Variants in GALNT15 observed in about 807,000 individuals in gnomAD.
The protein encoded by GALNT15 is UDP-GalNAc transferase T15.
A neutral mutation model predicts 66.8 loss-of-function variants in GALNT15; 67 were observed. The ratio of observed to expected loss-of-function variants is 1.00; its 90% confidence interval spans 0.82 to 1.23. The LOEUF (loss-of-function observed/expected upper bound fraction) is 1.23, where lower values mean the gene tolerates loss of function less well. Ranked by LOEUF, GALNT15 falls within the 50% of genes most tolerant of loss-of-function variation. The pLI, the probability that GALNT15 is intolerant of heterozygous loss-of-function variation, is 0.00. For missense variants in GALNT15, 827 were observed against 804.3 expected, an observed-to-expected ratio of 1.03 and a Z score of -0.34; for synonymous variants, 313 against 311.5, an observed-to-expected ratio of 1.00 and a Z score of -0.05.
rs1465009965 is a variant in GALNT15 at position 16,218,807 on chromosome 3, TC to T, written c.1393-595del. Among the ~76,000 whole-genome samples, 232 of 129,050 alleles carry T rather than the reference TC, an allele frequency of 1.8e-3. 1 individual carries two copies. The highest frequency in any genetic ancestry group is 4.1e-3 in the Admixed American group (51 of 12,588). 84.7% of individuals were successfully genotyped at this position (129,050 alleles called of 152,430 possible). ...ACAGATATCATAGACTCTCTCTCTC[TC>T]TCTTTTTTTTTTTTTTTTTTTTTTG... On this transcript the variant is annotated intron_variant, in intron 6 of 9. Coordinates refer to ENST00000339732, the MANE Select transcript of GALNT15 (RefSeq NM_054110.5).
intron 3 of GALNT15, among the ~76,000 whole-genome samples, chr3:16,207,755 C>T (rs954947111): frequency 2.0e-5 from 3 of 152,116 alleles, no homozygotes; most frequent in African/African-American, 7.2e-5. Context: ...CATAAACTCT[C>T]TGACATCGTG....
rs1204382740 is a variant in GALNT15 at position 16,187,092 on chromosome 3, C to T, written c.540-8668C>T. 6.6e-6 allele frequency among the ~76,000 whole-genome samples: 1 copy of T among 151,844 alleles called. No individual in the cohort carries two copies. The highest frequency in any genetic ancestry group is 1.5e-5 in the Non-Finnish European group (1 of 67,964). On this transcript the variant is annotated intron_variant, in intron 1 of 9. Coordinates refer to ENST00000339732, the MANE Select transcript of GALNT15 (RefSeq NM_054110.5). This position sits in a 1 kb window ranked among gnomAD's most constrained non-coding sequence, Gnocchi z 5.1. Reference sequence around the variant, plus strand: ...CAGCCTGACCAACATGGTGAAACCCCGTCTCTACAAAAAATACAAAAATTA... The same window carrying T: ...CAGCCTGACCAACATGGTGAAACCCTGTCTCTACAAAAAATACAAAAATTA...
intron 9 of GALNT15, among the ~76,000 whole-genome samples, chr3:16,226,687 T>C (rs1019489289): frequency 1.3e-5 from 2 of 152,200 alleles, no homozygotes; most frequent in Non-Finnish European, 2.9e-5. Flanking sequence ...CAATTCAACA[T>C]GAGATTTCAG....
chr3:16,231,713 G>A, downstream of GALNT15: 1 of 1,091,948 alleles, frequency 9.2e-7, no homozygotes, highest in Non-Finnish European at 1.3e-6. This position sits in a 1 kb window ranked among gnomAD's most constrained non-coding sequence, Gnocchi z 4.1. Flanking sequence ...ATAGTCAATG[G>A]ACATTCCAGT....
intron 1 of GALNT15, among the ~76,000 whole-genome samples, chr3:16,194,725 C>T (rs1477477200): frequency 6.6e-6 from 1 of 152,172 alleles, no homozygotes; most frequent in Non-Finnish European, 1.5e-5. Context: ...CAAATGAACA[C>T]AGGAACAGAA....
rs1229186729 is a variant in GALNT15 at position 16,184,932 on chromosome 3, G to A, written c.539+9242G>A. Among the ~76,000 whole-genome samples the A allele has an allele frequency of 6.6e-6, 1 of 152,220 alleles. No homozygotes were observed. Among genetic ancestry groups the A allele is most frequent in the African/African-American group, 2.4e-5 (1 of 41,468 alleles). On this transcript the variant is annotated intron_variant, in intron 1 of 9. Coordinates refer to ENST00000339732, the MANE Select transcript of GALNT15 (RefSeq NM_054110.5). The surrounding 1 kb of genome is among the most constrained non-coding windows in gnomAD (Gnocchi z 5.0). ...GAGCACAGCTCACTGGGGTGGGGTAGGGGTTAATTTTCCAGCTCTTCAGGG... is the reference window on the plus strand; with the variant it reads ...GAGCACAGCTCACTGGGGTGGGGTAAGGGTTAATTTTCCAGCTCTTCAGGG...
At chr3:16,222,270 C>T (rs1268264134) in intron 8 of GALNT15, among the ~76,000 whole-genome samples, 1 of 152,164 alleles carries the variant, frequency 6.6e-6, no homozygotes, top group Non-Finnish European at 1.5e-5. Flanking sequence ...AGACATCAAC[C>T]TGGGCTTCAG....
rs5846909 is a variant in GALNT15 at position 16,221,182 on chromosome 3, TAA to T, written c.1629+1178_1629+1179del. ...TTATTCTGGGTTTGAAAAAGAAGAA[TAA>T]AAAAAAAAATAAAGAAACAAAAGAA... is the stretch of plus-strand genomic sequence containing the variant. On this transcript the variant is annotated intron_variant, in intron 8 of 9. Coordinates refer to ENST00000339732, the MANE Select transcript of GALNT15 (RefSeq NM_054110.5). 1.8e-3 allele frequency among the ~76,000 whole-genome samples: 264 copies of T among 144,678 alleles called. 1 individual carries two copies. Among genetic ancestry groups the T allele is most frequent in the African/African-American group, 5.4e-3 (214 of 39,534 alleles). 94.9% of individuals were successfully genotyped at this position (144,678 alleles called of 152,430 possible).
At chr3:16,238,037 CT>C in the GALNT15 span, among the ~76,000 whole-genome samples, 1 of 152,336 alleles carries the variant, frequency 6.6e-6, no homozygotes, top group South Asian at 2.1e-4. The surrounding 1 kb of genome is among the most constrained non-coding windows in gnomAD (Gnocchi z 4.8). Context: ...TTTCCCTACA[CT>C]GTTATTCAGT....
chr3:16,195,733 ATGGCTCTC>A lies in GALNT15; in HGVS notation c.540-17_540-10del. The A allele has an allele frequency of 3.1e-6, 5 of 1,596,800 alleles. No individual in the cohort carries two copies. Among genetic ancestry groups the A allele is most frequent in the Non-Finnish European group, 3.4e-6 (4 of 1,167,918 alleles). On this transcript the variant is annotated intron_variant, in intron 1 of 9. Coordinates refer to ENST00000339732, the MANE Select transcript of GALNT15 (RefSeq NM_054110.5). This position sits in a 1 kb window ranked among gnomAD's most constrained non-coding sequence, Gnocchi z 4.6. ...TGTTTCTTGTGGCCTTCTCTTCCCC[ATGGCTCTC>A]TGGCTCTCTTCCCTGCAGGTGTCTG...
intron 9 of GALNT15, among the ~76,000 whole-genome samples, chr3:16,223,475 T>A (rs945363625): frequency 9.9e-5 from 15 of 152,184 alleles, no homozygotes; most frequent in African/African-American, 3.6e-4. Context: ...ACACACCTTT[T>A]AAAAATTTCT....
At chr3:16,231,036 C>A (rs1304400035), downstream of GALNT15, among the ~76,000 whole-genome samples, 2 of 151,234 alleles carry the variant, frequency 1.3e-5, 1 homozygote. The surrounding 1 kb of genome is among the most constrained non-coding windows in gnomAD (Gnocchi z 4.1). Flanking sequence ...AGCAAACTAA[C>A]ACAGGAACAG....
chr3:16,244,158 C>T, the GALNT15 span: 7 of 279,640 alleles, frequency 2.5e-5, no homozygotes, highest in Admixed American at 6.5e-5. Flanking sequence ...CTGGCAGAGA[C>T]GTTTGAGTGG....
chr3:16,222,936 G>T (rs2063962420), intron 9 of GALNT15, among the ~76,000 whole-genome samples, 178 bp downstream of exon 9: 1 of 152,188 alleles, frequency 6.6e-6, no homozygotes, highest in Non-Finnish European at 1.5e-5. Context: ...CAGCAGCAAA[G>T]TTGGCCCACT....
chr3:16,203,909 A>G lies in GALNT15; in HGVS notation c.911+3086A>G, dbSNP rs1445869663. Among the ~76,000 whole-genome samples the G allele has an allele frequency of 6.6e-6, 1 of 152,114 alleles. No homozygotes were observed. The highest frequency in any genetic ancestry group is 1.5e-5 in the Non-Finnish European group (1 of 68,024). On this transcript the variant is annotated intron_variant, in intron 3 of 9. Coordinates refer to ENST00000339732, the MANE Select transcript of GALNT15 (RefSeq NM_054110.5). The surrounding 1 kb of genome is among the most constrained non-coding windows in gnomAD (Gnocchi z 6.2). ...CGCCCACGTGCCTCATACAAAGCCA[A>G]GCTGTGGAAGGCATTTGGTGCAGCT... is the stretch of plus-strand genomic sequence containing the variant.
At chr3:16,205,310 G>A (rs1459538257) in intron 3 of GALNT15, among the ~76,000 whole-genome samples, 1 of 152,232 alleles carries the variant, frequency 6.6e-6, no homozygotes, top group Non-Finnish European at 1.5e-5. Context: ...CAAGGAATGA[G>A]ATAAACGAGG....
At chr3:16,178,044 G>A (rs1574966571) in intron 1 of GALNT15, among the ~76,000 whole-genome samples, 1 of 152,122 alleles carries the variant, frequency 6.6e-6, no homozygotes, top group Non-Finnish European at 1.5e-5. Flanking sequence ...TACTGTGCAT[G>A]TACTGTGCCT....
At position 16,187,421 on chromosome 3, in the gene GALNT15, C is replaced by A. The variant is rs1238357763; in HGVS notation, c.540-8339C>A. Among the ~76,000 whole-genome samples the A allele has an allele frequency of 6.6e-6, 1 of 152,200 alleles. No individual in the cohort carries two copies. The highest frequency in any genetic ancestry group is 1.5e-5 in the Non-Finnish European group (1 of 68,032). ...CTGACTGCACTGAATATTAAGATGG[C>A]CTCACTCTCAGACCTGGCAGCTGAT... On this transcript the variant is annotated intron_variant, in intron 1 of 9. Transcript: ENST00000339732. This position sits in a 1 kb window ranked among gnomAD's most constrained non-coding sequence, Gnocchi z 5.1.
chr3:16,183,797 G>A lies in GALNT15; in HGVS notation c.539+8107G>A, dbSNP rs746143461. Among the ~76,000 whole-genome samples the A allele has an allele frequency of 2.6e-5, 4 of 152,200 alleles. No homozygotes were observed. Among genetic ancestry groups the A allele is most frequent in the Non-Finnish European group, 4.4e-5 (3 of 68,026 alleles). On this transcript the variant is annotated intron_variant, in intron 1 of 9. Transcript: ENST00000339732. The surrounding 1 kb of genome is among the most constrained non-coding windows in gnomAD (Gnocchi z 5.2). ...TGGCCAGGCAAGGGGAGGGAGGGAAGAGCGTCAGTACTACAGCCAGGCCAT... is the reference window on the plus strand; with the variant it reads ...TGGCCAGGCAAGGGGAGGGAGGGAAAAGCGTCAGTACTACAGCCAGGCCAT...
Sources: allele counts gnomAD v4.1 joint callset (sites outside exome capture counted in the v4.1 genomes callset), GRCh38; gene constraint gnomAD v4.1.1; non-coding constraint Gnocchi (gnomAD v3.1); transcripts MANE v1.5; gene names NCBI Gene and HGNC (gene_info 2026-07-23, HGNC 2026-07-21).